Variants in USP26 observed in about 807,000 individuals in gnomAD.
USP26 encodes the protein ubiquitin carboxyl-terminal hydrolase 26.
For synonymous variants in USP26, 236 were observed against 240.6 expected, an observed-to-expected ratio of 0.98 and a Z score of 0.18; for missense variants, 649 against 642.3, an observed-to-expected ratio of 1.01 and a Z score of -0.11.
intron 5 of USP26, among the ~76,000 whole-genome samples, chrX:133,068,634 C>G (rs1391484192): frequency 8.9e-6 from 1 of 111,925 alleles, no homozygotes; most frequent in Non-Finnish European, 1.9e-5. Flanking sequence ...AGGCTTTGGT[C>G]AATTACCCAG....
rs55649446 is a variant in USP26 at position 133,085,086 on chromosome X, G to A, written c.-141-1315C>T. 5.1e-3 allele frequency among the ~76,000 whole-genome samples: 568 copies of A among 111,607 alleles called. 2 individuals are homozygous for A. The highest frequency in any genetic ancestry group is 5.8e-3 in the Non-Finnish European group (306 of 53,069). On this transcript the variant is annotated intron_variant, in intron 4 of 5. Transcript: ENST00000511190. The stretch of plus-strand genomic sequence containing the variant: ...TGGGATTATAGGTGACTACCACCAC[G>A]CCTGGCTAATTTTTGTATTTTTAGC...
intron 5 of USP26, among the ~76,000 whole-genome samples, chrX:133,071,878 G>A (rs936264102): frequency 6.3e-5 from 7 of 111,354 alleles, no homozygotes; most frequent in Admixed American, 3.8e-4. Context: ...TCATCCATTG[G>A]AACGCTCTAA....
At chrX:133,052,488 C>T (rs1447059614) in intron 5 of USP26, among the ~76,000 whole-genome samples, 1 of 112,298 alleles carries the variant, frequency 8.9e-6, no homozygotes, top group Non-Finnish European at 1.9e-5. Context: ...GATTTTTATT[C>T]CTATTAAAGT....
chrX:133,075,639 T>C (rs373127992), intron 5 of USP26, among the ~76,000 whole-genome samples: 1 of 110,817 alleles, frequency 9.0e-6, no homozygotes, highest in African/African-American at 3.3e-5. Flanking sequence ...GTATTTGGCA[T>C]GCAAATGGAA....
chrX:133,077,217 TA>T (rs1444513972), intron 5 of USP26, among the ~76,000 whole-genome samples: 2 of 112,166 alleles, frequency 1.8e-5, no homozygotes, highest in Non-Finnish European at 3.8e-5. Flanking sequence ...ACCTGACTAT[TA>T]AGTTAAGAGA....
At chrX:133,061,466 T>C (rs1032233376) in intron 5 of USP26, among the ~76,000 whole-genome samples, 3 of 112,715 alleles carry the variant, frequency 2.7e-5, no homozygotes, top group Admixed American at 9.4e-5. Context: ...AAGTGAGGAA[T>C]GGCATGTGAA....
intron 5 of USP26, among the ~76,000 whole-genome samples, chrX:133,050,382 A>G (rs1169366557): frequency 1.8e-5 from 2 of 111,937 alleles, no homozygotes; most frequent in Non-Finnish European, 3.8e-5. Context: ...AATGCATTTT[A>G]ACCACCATAA....
intron 5 of USP26, among the ~76,000 whole-genome samples, chrX:133,056,134 C>T (rs1304054009): frequency 1.8e-5 from 2 of 111,662 alleles, no homozygotes; most frequent in Non-Finnish European, 3.8e-5. Flanking sequence ...CTATTAAACA[C>T]ACTGCCCATG....
intron 4 of USP26, among the ~76,000 whole-genome samples, chrX:133,085,522 A>G (rs999425334): frequency 4.5e-5 from 5 of 112,011 alleles, no homozygotes; most frequent in Middle Eastern, 4.6e-3. Flanking sequence ...AACTGTTCCT[A>G]CAAGGATCCT....
At chrX:133,029,314 C>T (rs182734357) in intron 5 of USP26, among the ~76,000 whole-genome samples, 7 of 112,362 alleles carry the variant, frequency 6.2e-5, no homozygotes, top group African/African-American at 2.3e-4. Context: ...CTGCTCAGTC[C>T]CTGTCCAAAT....
At chrX:133,036,078 T>C (rs2067394817) in intron 5 of USP26, among the ~76,000 whole-genome samples, 1 of 109,707 alleles carries the variant, frequency 9.1e-6, no homozygotes. Context: ...GATCATGCCA[T>C]TGCACTCCAG....
intron 5 of USP26, among the ~76,000 whole-genome samples, chrX:133,047,477 G>A (rs1379206048): frequency 8.9e-6 from 1 of 112,246 alleles, no homozygotes; most frequent in Non-Finnish European, 1.9e-5. Context: ...GTCTACTGTT[G>A]CACTGTATTC....
chrX:133,070,247 T>C (rs1170880181), intron 5 of USP26, among the ~76,000 whole-genome samples: 1 of 112,351 alleles, frequency 8.9e-6, no homozygotes, highest in Non-Finnish European at 1.9e-5. Flanking sequence ...GAAACCCATC[T>C]GTACATTTGA....
intron 1 of USP26, among the ~76,000 whole-genome samples, 180 bp from the exon 2 acceptor site, chrX:133,091,623 C>G (rs1040686946): frequency 2.7e-5 from 3 of 111,566 alleles, no homozygotes; most frequent in African/African-American, 9.8e-5. Context: ...ATGAAAGGAA[C>G]AGGTTGTAGA....
intron 1 of USP26, among the ~76,000 whole-genome samples, chrX:133,096,460 G>A (rs1366624007): frequency 9.0e-6 from 1 of 111,297 alleles, no homozygotes; most frequent in Non-Finnish European, 1.9e-5. Flanking sequence ...TGAAAGAACC[G>A]ACTCCAAAAG....
chrX:133,085,241 G>T (rs1042484681), intron 4 of USP26, among the ~76,000 whole-genome samples: 2 of 112,119 alleles, frequency 1.8e-5, no homozygotes, highest in Non-Finnish European at 3.8e-5. Flanking sequence ...GGCCCATTGC[G>T]TCATTCTTAT....
At chrX:133,096,553 G>A (rs990774257) in intron 1 of USP26, among the ~76,000 whole-genome samples, 1 of 111,679 alleles carries the variant, frequency 9.0e-6, no homozygotes, top group Non-Finnish European at 1.9e-5. Context: ...TCCTAATACC[G>A]TGCACAATCC....
In USP26 at chrX:133,023,566, T is replaced by G. The variant is rs763770693; in HGVS notation, c.*1913A>C. Among the ~76,000 whole-genome samples the G allele has an allele frequency of 6.3e-5, 7 of 111,830 alleles. No homozygotes were observed. The highest frequency in any genetic ancestry group is 1.3e-4 in the Non-Finnish European group (7 of 53,228). ...TCTAAATGCAACTCCAGCCTTATCC[T>G]TCAGCTGCTGAAGTACTACAGAAGT... is the stretch of plus-strand genomic sequence containing the variant. On this transcript the variant is annotated 3_prime_UTR_variant, in exon 6 of 6. Transcript: ENST00000511190.
At chrX:133,073,996 C>A (rs2067539359) in intron 5 of USP26, among the ~76,000 whole-genome samples, 1 of 111,603 alleles carries the variant, frequency 9.0e-6, no homozygotes, top group Non-Finnish European at 1.9e-5. Context: ...TTATAACTAT[C>A]AACTTCCTGG....
Sources: gnomAD v4.1 joint callset for allele counts (sites outside exome capture counted in the v4.1 genomes callset) on GRCh38, gnomAD v4.1.1 for gene constraint, MANE v1.5 for transcripts, NCBI Gene and HGNC (gene_info 2026-07-23, HGNC 2026-07-21) for gene names.